KCND2: variants seen among roughly 807,000 people sequenced by gnomAD.
KCND2 encodes potassium voltage-gated channel subfamily D member 2, also known as A-type voltage-gated potassium channel KCND2.
KCND2 carries 16 observed loss-of-function variants against 54.4 expected under a neutral mutation model. The observed-to-expected ratio is 0.29, with a 90% CI of 0.20 to 0.45. KCND2 has a LOEUF of 0.45. Ranked by LOEUF, KCND2 falls within the 20% of genes least tolerant of loss-of-function variation. The pLI is 1.00. For missense variants in KCND2, 486 were observed against 824.2 expected (o/e 0.59, Z 5.02); for synonymous variants, 317 against 310.7 (o/e 1.02, Z -0.21).
intron 1 of KCND2, among the ~76,000 whole-genome samples, chr7:120,319,045 C>G (rs1799855025): frequency 6.6e-6 from 1 of 151,940 alleles, no homozygotes; most frequent in African/African-American, 2.4e-5. Context: ...TTCCTTTCAC[C>G]TATTACTTCT....
intron 1 of KCND2, among the ~76,000 whole-genome samples, chr7:120,678,553 G>A (rs1792098340): frequency 6.8e-6 from 1 of 146,452 alleles, no homozygotes; most frequent in Non-Finnish European, 1.5e-5. Context: ...AAATGTGTAT[G>A]TATGTAAATG....
intron 1 of KCND2, among the ~76,000 whole-genome samples, chr7:120,352,614 A>G (rs1800431511): frequency 6.6e-6 from 1 of 152,060 alleles, no homozygotes; most frequent in East Asian, 1.9e-4. Flanking sequence ...CTTAGAAGAA[A>G]TGTGTTTTAA....
intron 1 of KCND2, among the ~76,000 whole-genome samples, chr7:120,373,638 T>G (rs1800796354): frequency 6.6e-6 from 1 of 151,880 alleles, no homozygotes; most frequent in African/African-American, 2.4e-5. Flanking sequence ...ACTTAAATCC[T>G]TAGATATCTA....
chr7:120,464,705 A>G (rs1802342787), intron 1 of KCND2, among the ~76,000 whole-genome samples: 1 of 152,148 alleles, frequency 6.6e-6, no homozygotes, highest in Non-Finnish European at 1.5e-5. Context: ...TAATGACATA[A>G]TCTAGTTATT....
chr7:120,695,490 G>A (rs1263243656), intron 1 of KCND2, among the ~76,000 whole-genome samples: 1 of 152,088 alleles, frequency 6.6e-6, no homozygotes, highest in East Asian at 1.9e-4. Flanking sequence ...CACATAAGCT[G>A]GTTGTCTACT....
intron 1 of KCND2, among the ~76,000 whole-genome samples, chr7:120,438,043 C>T (rs1801895597): frequency 6.6e-6 from 1 of 152,154 alleles, no homozygotes; most frequent in African/African-American, 2.4e-5. Context: ...AGTTAAGGCA[C>T]ATGCTTTGGA....
chr7:120,623,677 A>C (rs1274859773), intron 1 of KCND2, among the ~76,000 whole-genome samples: 1 of 152,232 alleles, frequency 6.6e-6, no homozygotes, highest in Non-Finnish European at 1.5e-5. Context: ...TATTTGATTA[A>C]AAATATAACA....
rs910936682 is a variant in KCND2 at position 120,300,696 on chromosome 7, T to C, written c.1115+24949T>C. ...TAACTGTAATTAGAGTGAAAGTTTT[T>C]ATGATCATCTAGACACTTAACATCT... On this transcript the variant is annotated intron_variant, in intron 1 of 5. Transcript: ENST00000331113. Among the ~76,000 whole-genome samples the C allele has an allele frequency of 3.9e-5, 6 of 152,222 alleles. No homozygotes were observed. The East Asian group carries it at 1.2e-3, about 29-fold the overall frequency.
At chr7:120,421,406 C>T (rs1417007848) in intron 1 of KCND2, among the ~76,000 whole-genome samples, 1 of 152,228 alleles carries the variant, frequency 6.6e-6, no homozygotes, top group Non-Finnish European at 1.5e-5. Flanking sequence ...TGCATTTTCA[C>T]TGAAGTGACC....
rs538195403 is a variant in KCND2, at chr7:120,732,660, AT to A, written c.1116-239del. On this transcript the variant is annotated intron_variant, in intron 1 of 5. Coordinates refer to ENST00000331113, the MANE Select transcript of KCND2 (RefSeq NM_012281.3). ...ATCATTACATCATCTGACTTAAAAT[AT>A]TTTCCAATCAAAAAGATTACTTAAT... Among the ~76,000 whole-genome samples the A allele has an allele frequency of 1.4e-4, 21 of 152,214 alleles. No individual in the cohort carries two copies. In the East Asian group the frequency reaches 2.5e-3, roughly 18 times the overall value.
intron 1 of KCND2, among the ~76,000 whole-genome samples, chr7:120,666,660 C>G (rs1205021520): frequency 6.6e-6 from 1 of 151,838 alleles, no homozygotes; most frequent in Non-Finnish European, 1.5e-5. Flanking sequence ...TCAGGCCTGC[C>G]CTCTGGACCC....
At chr7:120,615,707 A>T (rs1025906611) in intron 1 of KCND2, among the ~76,000 whole-genome samples, 2 of 152,174 alleles carry the variant, frequency 1.3e-5, no homozygotes, top group African/African-American at 4.8e-5. Context: ...TCTCTAGCAA[A>T]TTCTGCCTGT....
chr7:120,622,707 TCTCTCTCTCACA>T (rs1458122827), intron 1 of KCND2, among the ~76,000 whole-genome samples: 7 of 144,156 alleles, frequency 4.9e-5, no homozygotes, highest in East Asian at 4.4e-4. Context: ...TCTCTCTCTC[TCTCTCTCTCACA>T]CACACACACA....
intron 1 of KCND2, among the ~76,000 whole-genome samples, chr7:120,421,817 C>G (rs1007008876): frequency 6.6e-6 from 1 of 152,178 alleles, no homozygotes; most frequent in Non-Finnish European, 1.5e-5. Flanking sequence ...AATAAGGCCC[C>G]TCCATCCACA....
intron 1 of KCND2, among the ~76,000 whole-genome samples, chr7:120,695,788 A>G (rs550508109): frequency 6.6e-6 from 1 of 152,300 alleles, no homozygotes; most frequent in Non-Finnish European, 1.5e-5. Context: ...AAAGTTTGTG[A>G]TGATATAAGA....
intron 1 of KCND2, among the ~76,000 whole-genome samples, chr7:120,478,595 A>G (rs1395965872): frequency 6.6e-6 from 1 of 152,152 alleles, no homozygotes; most frequent in East Asian, 1.9e-4. Context: ...AAAATGAAGA[A>G]CTTTTTTAAA....
At chr7:120,367,592 C>A (rs1584749637) in intron 1 of KCND2, among the ~76,000 whole-genome samples, 1 of 148,896 alleles carries the variant, frequency 6.7e-6, no homozygotes, top group Non-Finnish European at 1.5e-5. Flanking sequence ...ATAATTTAAA[C>A]AGGCCCTCTT....
chr7:120,699,686 G>T (rs1425366625), intron 1 of KCND2, among the ~76,000 whole-genome samples: 2 of 152,260 alleles, frequency 1.3e-5, no homozygotes, highest in Middle Eastern at 3.4e-3. Context: ...GAAGGAAAAT[G>T]GTGATGTCAG....
At chr7:120,358,534 C>T (rs1800541439) in intron 1 of KCND2, among the ~76,000 whole-genome samples, 1 of 151,858 alleles carries the variant, frequency 6.6e-6, no homozygotes, top group South Asian at 2.1e-4. Context: ...AGTTTTCTTT[C>T]TTTCTCCTGA....
Sources: gnomAD v4.1 joint callset for allele counts (sites outside exome capture counted in the v4.1 genomes callset) on GRCh38, gnomAD v4.1.1 for gene constraint, MANE v1.5 for transcripts, NCBI Gene and HGNC (gene_info 2026-07-23, HGNC 2026-07-21) for gene names.